The following SLC30A5 variants were observed in gnomAD, a reference collection of about 807,000 sequenced individuals.
SLC30A5 encodes the protein solute carrier family 30 member 5.
In SLC30A5, 33 loss-of-function variants were observed where a neutral mutation model predicts 79.6. The observed-to-expected ratio is 0.41, with a 90% CI of 0.31 to 0.55. The LOEUF is 0.55. Among genes scored for constraint, SLC30A5 ranks in the 20% least tolerant of loss-of-function variants. The pLI is 0.20. For synonymous variants in SLC30A5, 299 were observed against 319.7 expected (o/e 0.94, Z 0.69); for missense variants, 788 against 928.1 (o/e 0.85, Z 1.96).
chr5:69,123,296 A>C lies in SLC30A5; in HGVS notation c.1869A>C (p.Pro623=). 11 of 1,613,748 alleles carry C rather than the reference A, an allele frequency of 6.8e-6. No homozygotes were observed. Among genetic ancestry groups the C allele is most frequent in the Non-Finnish European group, 9.3e-6 (11 of 1,179,870 alleles). ...IEQFGWFIAD[P]LCSLFIAILI... is the part of the protein sequence containing the mutation. ...AGTTTGGATGGTTCATCGCTGACCC[A>C]CTCTGTTCTCTTTTTATTGCTATAT... The change falls in exon 14 of 16, where the codon CCA becomes CCC. Residue 623 remains proline, a synonymous_variant. Coordinates refer to ENST00000396591, the MANE Select transcript of SLC30A5 (RefSeq NM_022902.5).
intron 14 of SLC30A5, 21 bp downstream of exon 14, chr5:69,123,446 A>G (rs1240141979): frequency 1.3e-6 from 2 of 1,560,784 alleles, no homozygotes; most frequent in African/African-American, 2.7e-5. Flanking sequence ...TAATTTCTTC[A>G]CTACTTTCTT....
intron 14 of SLC30A5, among the ~76,000 whole-genome samples, chr5:69,124,132 C>T (rs964215197): frequency 8.4e-6 from 1 of 118,508 alleles, no homozygotes; most frequent in Middle Eastern, 3.7e-3. Context: ...AAAAAAAAAC[C>T]TAACAGTTTG....
intron 4 of SLC30A5, among the ~76,000 whole-genome samples, chr5:69,107,513 G>T (rs1006069786): frequency 6.6e-6 from 1 of 151,738 alleles, no homozygotes; most frequent in African/African-American, 2.4e-5. Context: ...TCATTATCAA[G>T]TCTTATGTTC....
intron 6 of SLC30A5, 128 bp from the exon 7 acceptor site, chr5:69,114,292 T>C (rs1746305883): frequency 2.0e-6 from 1 of 496,976 alleles, no homozygotes; most frequent in Admixed American, 3.6e-5. Context: ...TTATTGAAAG[T>C]AATTAAGTTT....
intron 12 of SLC30A5, among the ~76,000 whole-genome samples, chr5:69,119,160 T>G (rs572943258): frequency 3.7e-4 from 56 of 152,246 alleles, no homozygotes; most frequent in Non-Finnish European, 7.4e-5. Flanking sequence ...TGCTGTTTCT[T>G]GTAGTTGGCA....
chr5:69,104,094 C>CAGACAAG (rs1746011308), intron 3 of SLC30A5: 1 of 1,494,818 alleles, frequency 6.7e-7, no homozygotes, highest in African/African-American at 1.4e-5. Context: ...AATCTACCAG[C>CAGACAAG]AGACAAGAAT....
rs756297905 is a variant in SLC30A5, at chr5:69,123,375, C to A, written c.1948C>A (p.Leu650Met). ...LIKDACQVLL[L>M]RLPPEYEKEL... Reference sequence around the variant, plus strand: ...TAAAGATGCCTGCCAGGTTCTACTCCTGAGATTGCCACCAGAATATGAAAA... The same window carrying A: ...TAAAGATGCCTGCCAGGTTCTACTCATGAGATTGCCACCAGAATATGAAAA... Residue 650 changes from leucine (L) to methionine (M), a missense_variant, in exon 14 of 16, where the codon CTG becomes ATG. Coordinates refer to ENST00000396591, the MANE Select transcript of SLC30A5 (RefSeq NM_022902.5). 3.1e-6 allele frequency: 5 copies of A among 1,613,892 alleles called. No individual in the cohort carries two copies. The African/African-American group carries it at 6.7e-5, about 22-fold the overall frequency.
Position 69,129,677 on chromosome 5 carries a change from T to C in SLC30A5, c.*60T>C. ...TGAAGATTAAATGACTCAGTATTTGTAATATTGCCAGAAGGATAAAAATTA... is the reference window on the plus strand; with the variant it reads ...TGAAGATTAAATGACTCAGTATTTGCAATATTGCCAGAAGGATAAAAATTA... On this transcript the variant is annotated 3_prime_UTR_variant, in exon 16 of 16. Coordinates refer to ENST00000396591, the MANE Select transcript of SLC30A5 (RefSeq NM_022902.5). 4.8e-6 allele frequency: 7 copies of C among 1,443,980 alleles called. No homozygotes were observed. In the South Asian group the frequency reaches 9.6e-5, roughly 20 times the overall value. 89.4% of individuals were successfully genotyped at this position (1,443,980 alleles called of 1,614,324 possible).
rs1746811822 is a variant in SLC30A5, at chr5:69,130,102, T to TA, written c.*489dup. ...CTAATTATAACTTAAGTCCATTAAG[T>TA]AAAATCTGTATTGCCACTTTAAATG... On this transcript the variant is annotated 3_prime_UTR_variant, in exon 16 of 16. Transcript: ENST00000396591. The TA allele has an allele frequency of 6.6e-6, 1 of 152,202 alleles. No homozygotes were observed. The highest frequency in any genetic ancestry group is 6.5e-5 in the Admixed American group (1 of 15,280). The allele number at this position is 152,202 out of a possible 1,614,324, so 9.4% of individuals were successfully genotyped here.
At chr5:69,106,216 C>G (rs1178733691) in intron 4 of SLC30A5, among the ~76,000 whole-genome samples, 1 of 152,206 alleles carries the variant, frequency 6.6e-6, no homozygotes, top group Non-Finnish European at 1.5e-5. Context: ...TGTCATATCT[C>G]TAGCCACAGT....
chr5:69,122,134 G>A (rs1746552838), intron 13 of SLC30A5, among the ~76,000 whole-genome samples: 3 of 152,254 alleles, frequency 2.0e-5, no homozygotes, highest in South Asian at 4.1e-4. Flanking sequence ...GGTGGTTCAC[G>A]CCTGTTAATC....
At chr5:69,129,385 T>G (rs909733791) in intron 15 of SLC30A5, 62 bp from the exon 16 acceptor site, 1 of 1,220,492 alleles carries the variant, frequency 8.2e-7, no homozygotes, top group Non-Finnish European at 1.2e-6. Flanking sequence ...TACAGCATAT[T>G]AAGACGTGTG....
intron 14 of SLC30A5, among the ~76,000 whole-genome samples, chr5:69,126,972 T>C (rs1746714040): frequency 6.6e-6 from 1 of 152,118 alleles, no homozygotes; most frequent in African/African-American, 2.4e-5. Context: ...TTTTTACAAG[T>C]TGTTTCCATA....
chr5:69,118,299 G>GTATATATATGTGTGTATATATATA, intron 11 of SLC30A5, 200 bp from the exon 12 acceptor site: 1 of 141,684 alleles, frequency 7.1e-6, no homozygotes, highest in South Asian at 1.9e-4. Context: ...TATATAACGT[G>GTATATATATGTGTGTATATATATA]TATATATATG....
At chr5:69,112,712 G>A (rs976569987) in intron 5 of SLC30A5, among the ~76,000 whole-genome samples, 10 of 151,482 alleles carry the variant, frequency 6.6e-5, no homozygotes, top group East Asian at 1.9e-4. Context: ...TGGTTTTACC[G>A]TGCCCTCTGG....
In SLC30A5 at chr5:69,103,100, C is replaced by A; in HGVS notation, c.245C>A (p.Ser82Tyr). Residue 82 changes from serine to tyrosine, a missense_variant, in exon 3 of 16, where the codon TCT (serine) becomes TAT (tyrosine). Coordinates refer to ENST00000396591, the MANE Select transcript of SLC30A5 (RefSeq NM_022902.5). The part of the protein sequence containing the change: ...FFMVLFQKPF[S>Y]SGKTITKHQW... Reference sequence around the variant, plus strand: ...ATGGTTTTGTTTCAAAAGCCATTTTCTTCTGGGAAAACTATTACCAAACAC... The same window carrying A: ...ATGGTTTTGTTTCAAAAGCCATTTTATTCTGGGAAAACTATTACCAAACAC... 1 of 1,591,744 alleles carries A rather than the reference C, an allele frequency of 6.3e-7. No individual in the cohort carries two copies. The highest frequency in any genetic ancestry group is 1.1e-5 in the South Asian group (1 of 88,684).
chr5:69,123,590 T>C (rs1291220725), intron 14 of SLC30A5, 165 bp downstream of exon 14: 2 of 594,568 alleles, frequency 3.4e-6, no homozygotes, highest in South Asian at 2.0e-5. Flanking sequence ...ACAAGAAATA[T>C]GCAAGATATA....
chr5:69,105,127 C>G (rs1746047546), intron 4 of SLC30A5, among the ~76,000 whole-genome samples: 1 of 152,166 alleles, frequency 6.6e-6, no homozygotes, highest in Non-Finnish European at 1.5e-5. Context: ...TGCAAATACT[C>G]TCATAAATAA....
chr5:69,126,865 G>C (rs1365416378), intron 14 of SLC30A5, among the ~76,000 whole-genome samples: 1 of 123,086 alleles, frequency 8.1e-6, no homozygotes, highest in African/African-American at 2.9e-5. Flanking sequence ...ATATAGAAAA[G>C]TGCAAAAAAG....
Sources: gnomAD v4.1 joint callset for allele counts (sites outside exome capture counted in the v4.1 genomes callset) on GRCh38, gnomAD v4.1.1 for gene constraint, MANE v1.5 for transcripts, NCBI Gene and HGNC (gene_info 2026-07-23, HGNC 2026-07-21) for gene names.